PDE8B: variants seen among roughly 807,000 people sequenced by gnomAD.
PDE8B encodes high affinity cAMP-specific and IBMX-insensitive 3',5'-cyclic phosphodiesterase 8B.
A neutral mutation model predicts 101.3 loss-of-function variants in PDE8B; 26 were observed. The observed-to-expected ratio is 0.26, with a 90% CI of 0.19 to 0.36. The LOEUF (loss-of-function observed/expected upper bound fraction) is 0.36. Ranked by LOEUF, PDE8B falls within the 10% of genes least tolerant of loss-of-function variation. The pLI, the probability that PDE8B is intolerant of heterozygous loss-of-function variation, is 1.00. For synonymous variants in PDE8B, 424 were observed against 429.3 expected (o/e 0.99, Z 0.15); for missense variants, 810 against 1,163.1 (o/e 0.70, Z 4.42).
chr5:77,176,940 T>C, the PDE8B span, among the ~76,000 whole-genome samples: 1 of 152,232 alleles, frequency 6.6e-6, no homozygotes, highest in Non-Finnish European at 1.5e-5. Flanking sequence ...CCAGCTAGAC[T>C]TGGAATTCTG....
In PDE8B at chr5:77,300,966, T is replaced by A. The variant is rs542954918; in HGVS notation, c.340-11028T>A. ...ATGGGCTACTTACTTTTAAATGGGA[T>A]TCATTTCAGTGAGATTGGTTTTTAA... On this transcript the variant is annotated intron_variant, in intron 1 of 21. Transcript: ENST00000264917. 5.3e-5 allele frequency among the ~76,000 whole-genome samples: 8 copies of A among 152,350 alleles called. No homozygotes were observed. The East Asian group carries it at 1.5e-3, about 29-fold the overall frequency.
intron 17 of PDE8B, among the ~76,000 whole-genome samples, chr5:77,415,610 C>T (rs1323960562): frequency 3.9e-5 from 6 of 152,030 alleles, no homozygotes; most frequent in African/African-American, 9.7e-5. Flanking sequence ...CCACCCACCT[C>T]GACCTCCCAA....
At chr5:77,088,921 G>A in the PDE8B span, 1 of 152,160 alleles carries the variant, frequency 6.6e-6, no homozygotes, top group Admixed American at 6.5e-5. Context: ...CCTGTCTACT[G>A]TCCCTATCAA....
chr5:77,172,195 A>T, the PDE8B span, among the ~76,000 whole-genome samples: 1 of 152,204 alleles, frequency 6.6e-6, no homozygotes, highest in African/African-American at 2.4e-5. Context: ...CTAGATTGCA[A>T]GCTTGGCAAA....
Position 77,217,507 on chromosome 5 carries a change from G to A in PDE8B, c.339+6243G>A, listed in dbSNP as rs73135245. ...GTGTTACCTTTACCCTACAGTGGAA[G>A]TCTTGGTAGTTATGTTTTAGTAGAA... On this transcript the variant is annotated intron_variant, in intron 1 of 21. Transcript: ENST00000264917. 9.3e-3 allele frequency among the ~76,000 whole-genome samples: 1,408 copies of A among 152,162 alleles called. 18 individuals carry two copies. The highest frequency in any genetic ancestry group is 0.032 in the African/African-American group (1,338 of 41,510).
the PDE8B span, among the ~76,000 whole-genome samples, chr5:77,094,193 G>C: frequency 6.6e-6 from 1 of 152,142 alleles, no homozygotes; most frequent in Non-Finnish European, 1.5e-5. Flanking sequence ...ACTCCATTAA[G>C]TTCAAGACAC....
chr5:77,384,154 T>C (rs1278366394), intron 10 of PDE8B, among the ~76,000 whole-genome samples: 1 of 152,228 alleles, frequency 6.6e-6, no homozygotes, highest in Non-Finnish European at 1.5e-5. Context: ...TCCTCTCTTA[T>C]TTCCTTGAGC....
rs115867220 is a variant in PDE8B at position 77,245,548 on chromosome 5, G to A, written c.339+34284G>A. Among the ~76,000 whole-genome samples, 720 of 152,286 alleles carry A rather than the reference G, an allele frequency of 4.7e-3. 11 individuals carry two copies. Among genetic ancestry groups the A allele is most frequent in the African/African-American group, 0.017 (688 of 41,568 alleles). ...ACTTAGAGTTCAGAGAATGAAGTGA[G>A]ATGATTATTATTGGGCCTCCTCTGC... On this transcript the variant is annotated intron_variant, in intron 1 of 21. Coordinates refer to ENST00000264917, the MANE Select transcript of PDE8B (RefSeq NM_003719.5).
Position 77,261,939 on chromosome 5 carries a change from T to C in PDE8B, c.340-50055T>C, listed in dbSNP as rs185148447. 5.4e-4 allele frequency among the ~76,000 whole-genome samples: 82 copies of C among 152,354 alleles called. 1 individual carries two copies. The highest frequency in any genetic ancestry group is 5.4e-3 in the Admixed American group (82 of 15,306). On this transcript the variant is annotated intron_variant, in intron 1 of 21. Transcript: ENST00000264917. ...CATTTGAGGCCATCCCTCTGTAGGT[T>C]GCTGACAGCCTCCTGTTTTCCATTT...
chr5:77,329,114 T>C (rs1272938669), intron 4 of PDE8B, 57 bp downstream of exon 4: 1 of 1,401,374 alleles, frequency 7.1e-7, no homozygotes, highest in Non-Finnish European at 1.0e-6. Context: ...GAAATATTTG[T>C]CAGATGTAAT....
intron 10 of PDE8B, among the ~76,000 whole-genome samples, chr5:77,384,887 G>A (rs544124928): frequency 6.6e-6 from 1 of 152,254 alleles, no homozygotes; most frequent in Admixed American, 6.5e-5. Flanking sequence ...GTATTTTATT[G>A]AGGATTTTCG....
At chr5:77,329,415 CTTGT>C (rs1776684632) in intron 4 of PDE8B, among the ~76,000 whole-genome samples, 1 of 152,020 alleles carries the variant, frequency 6.6e-6, no homozygotes, top group Admixed American at 6.6e-5. Context: ...TGGGGATATG[CTTGT>C]TTTTCATTTA....
intron 10 of PDE8B, among the ~76,000 whole-genome samples, chr5:77,371,412 A>G (rs1042151035): frequency 6.6e-6 from 1 of 152,212 alleles, no homozygotes; most frequent in Admixed American, 6.5e-5. Context: ...CAAAAGTCAA[A>G]TGAGTATGTA....
At chr5:77,378,630 G>A (rs1196249154) in intron 10 of PDE8B, among the ~76,000 whole-genome samples, 3 of 152,140 alleles carry the variant, frequency 2.0e-5, no homozygotes, top group East Asian at 3.9e-4. Context: ...TTGCGAGTCA[G>A]TAGTTCTAAC....
intron 2 of PDE8B, among the ~76,000 whole-genome samples, chr5:77,322,206 G>A (rs566790289): frequency 6.7e-6 from 1 of 150,104 alleles, no homozygotes; most frequent in South Asian, 2.1e-4. Context: ...AGCCAAAGGT[G>A]GTGGTGGTTG....
Position 77,421,045 on chromosome 5 carries a change from CTTT to C in PDE8B, c.2251-775_2251-773del, listed in dbSNP as rs1316852706. Among the ~76,000 whole-genome samples, 3 of 152,328 alleles carry C rather than the reference CTTT, an allele frequency of 2.0e-5. No individual in the cohort carries two copies. In the East Asian group the frequency reaches 5.8e-4, roughly 29 times the overall value. The stretch of plus-strand genomic sequence containing the variant: ...GTCTTTAAAAGTGGAGAATAACAAT[CTTT>C]CAGGTTCTATGTAAATGGCCTGTGA... On this transcript the variant is annotated intron_variant, in intron 19 of 21. Coordinates refer to ENST00000264917, the MANE Select transcript of PDE8B (RefSeq NM_003719.5).
intron 10 of PDE8B, chr5:77,358,343 C>T (rs967568505): frequency 5.5e-6 from 3 of 543,964 alleles, no homozygotes; most frequent in African/African-American, 4.1e-5. Context: ...GCTTCTCTTC[C>T]CCCCAGGAAA....
the PDE8B span, among the ~76,000 whole-genome samples, chr5:77,103,384 A>T: frequency 6.6e-6 from 1 of 152,220 alleles, no homozygotes; most frequent in South Asian, 2.1e-4. Context: ...GTGACTCAAC[A>T]CGATGGGATA....
At chr5:77,309,819 C>T (rs1452015354) in intron 1 of PDE8B, among the ~76,000 whole-genome samples, 1 of 151,534 alleles carries the variant, frequency 6.6e-6, no homozygotes, top group Non-Finnish European at 1.5e-5. Context: ...GGGGTTTCAC[C>T]ATGTTGGCCA....
Sources: allele counts gnomAD v4.1 joint callset (sites outside exome capture counted in the v4.1 genomes callset), GRCh38; gene constraint gnomAD v4.1.1; transcripts MANE v1.5; gene names NCBI Gene and HGNC (gene_info 2026-07-23, HGNC 2026-07-21).